Variants in GTF2B observed in about 807,000 individuals in gnomAD.
GTF2B encodes the protein general transcription factor IIB.
Under a neutral mutation model 34.6 loss-of-function variants are expected in GTF2B, and 20 were observed. That is an observed-to-expected ratio of 0.58 (90% CI 0.41 to 0.84). The LOEUF is 0.84. GTF2B is among the 40% of genes least tolerant of loss of function. The probability of loss-of-function intolerance (pLI) is 0.00; values close to 1 mark genes in which losing one functional copy is unlikely to be tolerated. For missense variants in GTF2B, 237 were observed against 393.3 expected (o/e 0.60, Z 3.36); for synonymous variants, 142 against 132.4 (o/e 1.07, Z -0.50).
At chr1:88,872,804 TTG>T (rs1364247518) in intron 2 of GTF2B, among the ~76,000 whole-genome samples, 1 of 152,158 alleles carries the variant, frequency 6.6e-6, no homozygotes, top group Non-Finnish European at 1.5e-5. Flanking sequence ...ACCAGTTTTA[TTG>T]TGTTTGTCTC....
chr1:88,891,541 A>C lies in GTF2B; in HGVS notation c.-42T>G. On this transcript the variant is annotated 5_prime_UTR_variant, in exon 1 of 7. Coordinates refer to ENST00000370500, the MANE Select transcript of GTF2B (RefSeq NM_001514.6). Reference sequence around the variant, plus strand: ...GTGCCCGCAACAAGACACAACAGACACACCGAAAGCAGGAAGCGAATGTGG... The same window carrying C: ...GTGCCCGCAACAAGACACAACAGACCCACCGAAAGCAGGAAGCGAATGTGG... 1.3e-6 allele frequency: 2 copies of C among 1,582,012 alleles called. No individual in the cohort carries two copies. The highest frequency in any genetic ancestry group is 8.6e-7 in the Non-Finnish European group (1 of 1,158,632).
chr1:88,864,169 T>C, intron 2 of GTF2B, 55 bp from the exon 3 acceptor site: 2 of 1,557,912 alleles, frequency 1.3e-6, no homozygotes, highest in Non-Finnish European at 1.8e-6. Context: ...TTTACTTAAC[T>C]ACACTGTCCA....
chr1:88,873,795 C>T (rs971982884), intron 2 of GTF2B, among the ~76,000 whole-genome samples: 3 of 152,074 alleles, frequency 2.0e-5, no homozygotes, highest in African/African-American at 7.2e-5. Flanking sequence ...TAGAGTTGTA[C>T]ACATCTCTTC....
intron 2 of GTF2B, among the ~76,000 whole-genome samples, chr1:88,866,227 C>T (rs992796227): frequency 4.6e-5 from 7 of 151,748 alleles, no homozygotes; most frequent in Admixed American, 4.6e-4. Context: ...ATTAGCTGGG[C>T]GTGGTGGCAT....
intron 2 of GTF2B, among the ~76,000 whole-genome samples, chr1:88,882,494 G>C (rs568358535): frequency 1.8e-4 from 27 of 152,174 alleles, no homozygotes; most frequent in Non-Finnish European, 2.8e-4. Flanking sequence ...TCTGTAAAGG[G>C]TGACATAGTA....
intron 2 of GTF2B, among the ~76,000 whole-genome samples, chr1:88,876,125 T>C (rs1451185373): frequency 6.6e-6 from 1 of 152,188 alleles, no homozygotes; most frequent in Non-Finnish European, 1.5e-5. Context: ...GCCAAAGAAA[T>C]AACTTGTAAG....
At chr1:88,871,271 A>G (rs528123441) in intron 2 of GTF2B, among the ~76,000 whole-genome samples, 3 of 152,316 alleles carry the variant, frequency 2.0e-5, no homozygotes, top group South Asian at 2.1e-4. Flanking sequence ...TAATACTTAC[A>G]TGTTAGGATA....
chr1:88,878,929 T>C (rs746232300), intron 2 of GTF2B, among the ~76,000 whole-genome samples: 27 of 152,184 alleles, frequency 1.8e-4, no homozygotes, highest in Non-Finnish European at 7.3e-5. Context: ...GAAGTTATCA[T>C]AGAAGCAGAT....
intron 2 of GTF2B, among the ~76,000 whole-genome samples, chr1:88,874,001 G>T (rs1247931627): frequency 6.6e-6 from 1 of 152,150 alleles, no homozygotes; most frequent in African/African-American, 2.4e-5. Context: ...ATAGGATGGG[G>T]GAGAGGAGAA....
chr1:88,868,941 G>A lies in GTF2B; in HGVS notation c.125-4827C>T, dbSNP rs569768086. Among the ~76,000 whole-genome samples, 171 of 152,052 alleles carry A rather than the reference G, an allele frequency of 1.1e-3. 2 individuals carry two copies. Among genetic ancestry groups the A allele is most frequent in the African/African-American group, 3.9e-3 (160 of 41,486 alleles). On this transcript the variant is annotated intron_variant, in intron 2 of 6. Coordinates refer to ENST00000370500, the MANE Select transcript of GTF2B (RefSeq NM_001514.6). Reference sequence around the variant, plus strand: ...TTTTTAGTGCAGACAGGGTTTCAGCGTGTTAACCAGGATGGTCTCGATCTC... The same window carrying A: ...TTTTTAGTGCAGACAGGGTTTCAGCATGTTAACCAGGATGGTCTCGATCTC...
chr1:88,878,812 G>A (rs1020239550), intron 2 of GTF2B, among the ~76,000 whole-genome samples: 3 of 152,134 alleles, frequency 2.0e-5, no homozygotes, highest in South Asian at 2.1e-4. Flanking sequence ...CAACTACCAC[G>A]TAGTATAAAA....
chr1:88,866,892 C>T (rs1278004539), intron 2 of GTF2B, among the ~76,000 whole-genome samples: 1 of 152,184 alleles, frequency 6.6e-6, no homozygotes, highest in African/African-American at 2.4e-5. Flanking sequence ...AATTTTAATA[C>T]ATCACACATT....
At chr1:88,879,616 C>A (rs1024078860) in intron 2 of GTF2B, among the ~76,000 whole-genome samples, 1 of 150,832 alleles carries the variant, frequency 6.6e-6, no homozygotes, top group African/African-American at 2.4e-5. Context: ...GTAATGGGCT[C>A]TCTTAGTTGC....
At chr1:88,882,337 ACG>A (rs1673970848) in intron 2 of GTF2B, among the ~76,000 whole-genome samples, 1 of 143,644 alleles carries the variant, frequency 7.0e-6, no homozygotes, top group Non-Finnish European at 1.5e-5. Context: ...AAAAAAAAAA[ACG>A]CTACAGAGGT....
intron 6 of GTF2B, among the ~76,000 whole-genome samples, chr1:88,856,287 A>AAAAAAAAAAAAAAAAAAAAAG (rs1673309532): frequency 9.9e-6 from 1 of 100,986 alleles, no homozygotes; most frequent in African/African-American, 5.8e-5. Context: ...AAAAAAAAAA[A>AAAAAAAAAAAAAAAAAAAAAG]AAACAAAAAA....
At chr1:88,858,330 C>T (rs1673364929) in intron 5 of GTF2B, among the ~76,000 whole-genome samples, 1 of 152,146 alleles carries the variant, frequency 6.6e-6, no homozygotes, top group African/African-American at 2.4e-5. Context: ...AAAATATTAA[C>T]TGCTCTAAGG....
chr1:88,854,111 T>C (rs1216983522), intron 6 of GTF2B, among the ~76,000 whole-genome samples: 1 of 152,186 alleles, frequency 6.6e-6, no homozygotes, highest in African/African-American at 2.4e-5. Context: ...ACTCCACAAA[T>C]ATGTTCTTGT....
At chr1:88,882,612 C>A (rs1333080250) in intron 2 of GTF2B, among the ~76,000 whole-genome samples, 1 of 152,196 alleles carries the variant, frequency 6.6e-6, no homozygotes, top group East Asian at 1.9e-4. Flanking sequence ...TCACATTTCA[C>A]TTAATTGGAG....
intron 6 of GTF2B, among the ~76,000 whole-genome samples, chr1:88,856,272 C>CAAAAAAAAAAAAAAAAAAAAAAA (rs377030804): frequency 2.0e-5 from 1 of 50,034 alleles, no homozygotes; most frequent in African/African-American, 8.9e-5. Context: ...GTTTCAAAAA[C>CAAAAAAAAAAAAAAAAAAAAAAA]AAAAAAAAAA....
Sources: gnomAD v4.1 joint callset for allele counts (sites outside exome capture counted in the v4.1 genomes callset) on GRCh38, gnomAD v4.1.1 for gene constraint, MANE v1.5 for transcripts, NCBI Gene and HGNC (gene_info 2026-07-23, HGNC 2026-07-21) for gene names.